Variants in CEP68 observed in about 807,000 individuals in gnomAD.
CEP68 encodes the protein centrosomal protein 68, also known as centrosomal protein of 68 kDa.
CEP68 carries 26 observed loss-of-function variants against 55.3 expected under a neutral mutation model. That is an observed-to-expected ratio of 0.47 (90% CI 0.34 to 0.65). CEP68 has a LOEUF of 0.65. Ranked by LOEUF, CEP68 falls within the 30% of genes least tolerant of loss-of-function variation. The pLI, the probability that CEP68 is intolerant of heterozygous loss-of-function variation, is 0.01. For synonymous variants in CEP68, 402 were observed against 383.2 expected (o/e 1.05, Z -0.57); for missense variants, 957 against 946.7 (o/e 1.01, Z -0.14).
rs778468331 is a variant in CEP68, at chr2:65,071,679, A to C, written c.583A>C (p.Ser195Arg). The part of the protein sequence containing the change: ...LSPGSAAQPS[S>R]CSISASSTGS... ...CCCAGGTTCCGCAGCTCAGCCTTCC[A>C]GCTGCAGCATCTCTGCTTCCTCCAC... Residue 195 changes from serine (S) to arginine (R), a missense_variant, in exon 3 of 7, where the codon AGC becomes CGC. Transcript: ENST00000377990. 2 of 1,614,044 alleles carry C rather than the reference A, an allele frequency of 1.2e-6. No homozygotes were observed. The highest frequency in any genetic ancestry group is 2.7e-5 in the African/African-American group (2 of 74,916).
In CEP68 at chr2:65,084,282, G is replaced by A. The variant is rs976188325; in HGVS notation, c.*648G>A. ...TAACCAGTTTCTTAGAAGAAAATGT[G>A]TCAGGGACTTGGGGATCTACAGTCA... is the stretch of plus-strand genomic sequence containing the variant. On this transcript the variant is annotated 3_prime_UTR_variant, in exon 7 of 7. Coordinates refer to ENST00000377990, the MANE Select transcript of CEP68 (RefSeq NM_015147.3). 6.6e-6 allele frequency: 1 copy of A among 152,184 alleles called. No homozygotes were observed. The highest frequency in any genetic ancestry group is 2.4e-5 in the African/African-American group (1 of 41,444). 9.4% of individuals were successfully genotyped at this position (152,184 alleles called of 1,614,324 possible). A position where few individuals can be genotyped will look rare whatever the true frequency, so the allele number is the denominator to read the frequency against.
chr2:65,075,825 C>A (rs903510674), intron 4 of CEP68, among the ~76,000 whole-genome samples: 2 of 152,132 alleles, frequency 1.3e-5, no homozygotes, highest in African/African-American at 4.8e-5. Flanking sequence ...TATAACCTGA[C>A]CATATCTTCA....
At position 65,082,563 on chromosome 2, in the gene CEP68, C is replaced by A; in HGVS notation, c.2132C>A (p.Ala711Glu). 1 of 1,588,070 alleles carries A rather than the reference C, an allele frequency of 6.3e-7. No individual in the cohort carries two copies. ...TTAGAGGATGTCCTTGGGAGGATCGCAAAGCAGTCTGGTGAGCTGGAGAGC... is the reference window on the plus strand; with the variant it reads ...TTAGAGGATGTCCTTGGGAGGATCGAAAAGCAGTCTGGTGAGCTGGAGAGC... ...PVLEDVLGRI[A>E]KQSGELESHA... The change falls in exon 6 of 7, where the codon GCA becomes GAA. Residue 711 changes from alanine to glutamate, a missense_variant. Ala to Glu is a moderately radical substitution (Grantham distance 107). Coordinates refer to ENST00000377990, the MANE Select transcript of CEP68 (RefSeq NM_015147.3).
chr2:65,057,895 ATCC>A (rs979663616), intron 1 of CEP68, among the ~76,000 whole-genome samples: 2 of 151,982 alleles, frequency 1.3e-5, no homozygotes, highest in African/African-American at 2.4e-5. Context: ...GGCTCAAGCA[ATCC>A]TCCTGCCTCT....
At chr2:65,060,910 C>G (rs951549442) in intron 1 of CEP68, among the ~76,000 whole-genome samples, 4 of 152,194 alleles carry the variant, frequency 2.6e-5, no homozygotes, top group Non-Finnish European at 5.9e-5. Flanking sequence ...GGCGCAGTGG[C>G]TCACGCCTGT....
At chr2:65,065,574 A>G (rs1056791505) in intron 1 of CEP68, among the ~76,000 whole-genome samples, 7 of 152,266 alleles carry the variant, frequency 4.6e-5, no homozygotes, top group Non-Finnish European at 8.8e-5. Context: ...ATTTCTGGTC[A>G]TGAAAGCATC....
At chr2:65,061,400 C>G (rs2103745700) in intron 1 of CEP68, among the ~76,000 whole-genome samples, 1 of 152,304 alleles carries the variant, frequency 6.6e-6, no homozygotes, top group East Asian at 1.9e-4. Context: ...TCCTTCTGTT[C>G]TTTTGACTCT....
chr2:65,062,469 G>A (rs1573017797), intron 1 of CEP68, among the ~76,000 whole-genome samples: 2 of 149,546 alleles, frequency 1.3e-5, no homozygotes, highest in Non-Finnish European at 3.0e-5. Flanking sequence ...GGAGGCAGAG[G>A]TTGCAATGAG....
intron 3 of CEP68, chr2:65,073,388 G>A (rs1239467210): frequency 6.6e-6 from 2 of 302,142 alleles, no homozygotes; most frequent in Non-Finnish European, 6.4e-6. Context: ...TTTCTTGACT[G>A]CAGGACTTCT....
intron 1 of CEP68, among the ~76,000 whole-genome samples, chr2:65,063,687 A>G (rs887912431): frequency 6.6e-6 from 1 of 152,220 alleles, no homozygotes; most frequent in African/African-American, 2.4e-5. Context: ...ACCTTCATGC[A>G]GTGTTACAGA....
At chr2:65,064,985 T>A (rs181506862) in intron 1 of CEP68, among the ~76,000 whole-genome samples, 34 of 152,340 alleles carry the variant, frequency 2.2e-4, no homozygotes, top group African/African-American at 7.7e-4. Flanking sequence ...TTCTCTCTCT[T>A]CTGCTTTGTG....
At chr2:65,078,012 G>A in intron 5 of CEP68, 48 bp downstream of exon 5, 1 of 1,445,976 alleles carries the variant, frequency 6.9e-7, no homozygotes, top group Non-Finnish European at 9.7e-7. Context: ...ATCCCTGTCA[G>A]CAGCAGGCCC....
At chr2:65,057,283 A>G (rs1282125926) in intron 1 of CEP68, among the ~76,000 whole-genome samples, 1 of 152,226 alleles carries the variant, frequency 6.6e-6, no homozygotes, top group African/African-American at 2.4e-5. Context: ...TAAATAATCT[A>G]ACAGTTCTCA....
chr2:65,078,758 T>C (rs1273081112), intron 5 of CEP68, among the ~76,000 whole-genome samples: 2 of 152,202 alleles, frequency 1.3e-5, no homozygotes, highest in Non-Finnish European at 2.9e-5. Context: ...TGGTCAGGCC[T>C]GTCTTGAACT....
At chr2:65,056,863 C>G (rs950338946) in intron 1 of CEP68, among the ~76,000 whole-genome samples, 1 of 152,152 alleles carries the variant, frequency 6.6e-6, no homozygotes, top group African/African-American at 2.4e-5. Flanking sequence ...ATCTGGCGGC[C>G]GAGCAGCTGC....
rs1269478881 is a variant in CEP68 at position 65,084,006 on chromosome 2, TCA to T, written c.*373_*374del. ...AGGGCTGGTAGGAGATTCCGAATAC[TCA>T]ATATTCTCAGGCATGCAAGAGGACC... On this transcript the variant is annotated 3_prime_UTR_variant, in exon 7 of 7. Coordinates refer to ENST00000377990, the MANE Select transcript of CEP68 (RefSeq NM_015147.3). The T allele has an allele frequency of 6.6e-6, 1 of 152,164 alleles. No homozygotes were observed. Among genetic ancestry groups the T allele is most frequent in the Non-Finnish European group, 1.5e-5 (1 of 68,030 alleles). The allele number at this position is 152,164 out of a possible 1,614,324, so 9.4% of individuals were successfully genotyped here. A position where few individuals can be genotyped will look rare whatever the true frequency, so the allele number is the denominator to read the frequency against.
chr2:65,071,745 C>T lies in CEP68; in HGVS notation c.649C>T (p.Arg217Cys), dbSNP rs758869902. Residue 217 changes from arginine (R) to cysteine (C), a missense_variant, in exon 3 of 7, where the codon CGT (arginine) becomes TGT (cysteine). Physicochemically the swap from Arg to Cys is radical, Grantham distance 180. Coordinates refer to ENST00000377990, the MANE Select transcript of CEP68 (RefSeq NM_015147.3). The part of the protein sequence containing the change: ...LQGHQERAEP[R>C]GGSLAKVSSS... ...GGGTCACCAGGAGAGGGCGGAGCCT[C>T]GTGGTGGTTCTCTGGCCAAGGTCTC... The T allele has an allele frequency of 3.1e-6, 5 of 1,613,730 alleles. No individual in the cohort carries two copies. Among genetic ancestry groups the T allele is most frequent in the Admixed American group, 1.7e-5 (1 of 60,004 alleles).
chr2:65,057,229 C>G (rs1379745331), intron 1 of CEP68, among the ~76,000 whole-genome samples: 3 of 152,162 alleles, frequency 2.0e-5, no homozygotes, highest in African/African-American at 7.2e-5. Context: ...GCAGATTGGA[C>G]CTCACTGGGA....
At position 65,069,439 on chromosome 2, in the gene CEP68, GTC is replaced by G; in HGVS notation, c.-3_-2del. Reference sequence around the variant, plus strand: ...AGCAGAACCCTGACCTAGGTAGGGAGTCTCAATGGCCCTGGGTGAAGAAAAGG... The same window carrying G: ...AGCAGAACCCTGACCTAGGTAGGGAGTCAATGGCCCTGGGTGAAGAAAAGG... On this transcript the variant is annotated 5_prime_UTR_variant, in exon 2 of 7. Transcript: ENST00000377990. The G allele has an allele frequency of 6.6e-7, 1 of 1,503,948 alleles. No individual in the cohort carries two copies. Among genetic ancestry groups the G allele is most frequent in the Non-Finnish European group, 8.9e-7 (1 of 1,124,840 alleles). The allele number at this position is 1,503,948 out of a possible 1,614,324, so 93.2% of individuals were successfully genotyped here.
Sources: gnomAD v4.1 joint callset for allele counts (sites outside exome capture counted in the v4.1 genomes callset) on GRCh38, gnomAD v4.1.1 for gene constraint, MANE v1.5 for transcripts, NCBI Gene and HGNC (gene_info 2026-07-23, HGNC 2026-07-21) for gene names.